Variants in PAG1 observed in about 807,000 individuals in gnomAD.
The protein encoded by PAG1 is phosphoprotein membrane anchor with glycosphingolipid microdomains 1, also known as phosphoprotein associated with glycosphingolipid-enriched microdomains 1.
Under a neutral mutation model 31.7 loss-of-function variants are expected in PAG1, and 23 were observed. That is an observed-to-expected ratio of 0.73 (90% CI 0.52 to 1.03). The LOEUF is 1.03. Ranked by LOEUF, PAG1 falls within the 50% of genes least tolerant of loss-of-function variation. The pLI is 0.00. For synonymous variants in PAG1, 214 were observed against 210.3 expected (o/e 1.02, Z -0.15); for missense variants, 473 against 540.7 (o/e 0.87, Z 1.24).
At chr8:81,038,330 G>A (rs1034913645) in intron 2 of PAG1, among the ~76,000 whole-genome samples, 47 of 152,234 alleles carry the variant, frequency 3.1e-4, no homozygotes, top group African/African-American at 9.6e-4. Context: ...TCCCAGCCAC[G>A]GGGTAACTTC....
chr8:81,104,038 G>C (rs894228342), intron 1 of PAG1, among the ~76,000 whole-genome samples: 48 of 152,184 alleles, frequency 3.2e-4, no homozygotes, highest in Non-Finnish European at 6.0e-4. Context: ...TGCGCTTCTT[G>C]AGATCGAAAT....
chr8:81,046,808 T>G (rs1365083848), intron 2 of PAG1, among the ~76,000 whole-genome samples: 2 of 152,118 alleles, frequency 1.3e-5, no homozygotes, highest in African/African-American at 4.8e-5. Context: ...AAGCCCAGCA[T>G]CCATTAGTTA....
intron 1 of PAG1, among the ~76,000 whole-genome samples, chr8:81,081,119 G>A (rs1056558260): frequency 1.3e-5 from 2 of 151,774 alleles, no homozygotes; most frequent in South Asian, 2.1e-4. Context: ...GACCTCACAC[G>A]GTGTTTAGGA....
chr8:81,018,238 C>G (rs560339017), intron 3 of PAG1, among the ~76,000 whole-genome samples: 1 of 152,320 alleles, frequency 6.6e-6, no homozygotes, highest in South Asian at 2.1e-4. Context: ...ATAACAAATT[C>G]AAGCTAAATT....
At chr8:81,039,366 G>A (rs984405417) in intron 2 of PAG1, 2 of 152,206 alleles carry the variant, frequency 1.3e-5, no homozygotes, top group African/African-American at 4.8e-5. Context: ...AAAATGGGGG[G>A]ATTTGGACAC....
chr8:80,990,559 C>T lies in PAG1; in HGVS notation c.177+920G>A, dbSNP rs190314945. Among the ~76,000 whole-genome samples the T allele has an allele frequency of 3.5e-4, 54 of 152,296 alleles. No homozygotes were observed. In the East Asian group the frequency reaches 8.1e-3, roughly 23 times the overall value. ...CCTTGCTAATGTGACGATGGGCCCCCTCCCCAGCGGCTGGGACTGCTCAGC... is the reference window on the plus strand; with the variant it reads ...CCTTGCTAATGTGACGATGGGCCCCTTCCCCAGCGGCTGGGACTGCTCAGC... On this transcript the variant is annotated intron_variant, in intron 5 of 8. Transcript: ENST00000220597. This position sits in a 1 kb window ranked among gnomAD's most constrained non-coding sequence, Gnocchi z 5.1.
intron 3 of PAG1, among the ~76,000 whole-genome samples, chr8:81,023,415 T>C (rs1808221405): frequency 6.6e-6 from 1 of 152,200 alleles, no homozygotes; most frequent in Admixed American, 6.5e-5. Context: ...TTCATGAATA[T>C]TTGGTAATCT....
chr8:81,004,737 G>A lies in PAG1; in HGVS notation c.-80-11430C>T, dbSNP rs568247304. Among the ~76,000 whole-genome samples the A allele has an allele frequency of 1.2e-4, 19 of 152,316 alleles. No individual in the cohort carries two copies. In the South Asian group the frequency reaches 3.7e-3, roughly 30 times the overall value. ...ATTGCTGCTTGATTCTGTTTAGCCT[G>A]GCAGCAGAGGCTCCATGGCATTGAT... On this transcript the variant is annotated intron_variant, in intron 3 of 8. Transcript: ENST00000220597.
intron 2 of PAG1, among the ~76,000 whole-genome samples, chr8:81,062,366 T>C (rs529340274): frequency 5.9e-5 from 9 of 152,374 alleles, no homozygotes; most frequent in Admixed American, 4.6e-4. Context: ...ATGGTATATA[T>C]CCATTTTATA....
At chr8:81,057,604 A>G (rs559194040) in intron 2 of PAG1, among the ~76,000 whole-genome samples, 12 of 151,700 alleles carry the variant, frequency 7.9e-5, no homozygotes, top group Non-Finnish European at 1.3e-4. Context: ...ATTAGGAGAT[A>G]TACCTAATGC....
intron 4 of PAG1, 50 bp downstream of exon 4, chr8:80,993,053 A>G: frequency 6.6e-7 from 1 of 1,523,736 alleles, no homozygotes; most frequent in Non-Finnish European, 9.0e-7. Flanking sequence ...TCTTCTGGGT[A>G]CAGGGGATGT....
intron 3 of PAG1, among the ~76,000 whole-genome samples, chr8:80,993,719 C>T (rs181936620): frequency 6.6e-6 from 1 of 151,892 alleles, no homozygotes; most frequent in East Asian, 1.9e-4. Flanking sequence ...TCCTGAACCA[C>T]CCCCCTGCCC....
chr8:81,015,506 G>A (rs2130700475), intron 3 of PAG1, among the ~76,000 whole-genome samples: 1 of 152,330 alleles, frequency 6.6e-6, no homozygotes, highest in African/African-American at 2.4e-5. Context: ...TTCTGCAACA[G>A]GGAAAGAATG....
intron 1 of PAG1, among the ~76,000 whole-genome samples, chr8:81,070,640 T>G: frequency 6.8e-6 from 1 of 147,656 alleles, no homozygotes. Flanking sequence ...CTCAAGAAGA[T>G]GAAAGTCTTT....
At position 80,984,987 on chromosome 8, in the gene PAG1, G is replaced by A; in HGVS notation, c.665C>T (p.Ala222Val). ...ELPGPQTEGK[A>V]EFAEYASVDR... ...CACCGAGGCATATTCAGCAAACTCA[G>A]CTTTGCCTTCAGTCTGGGGCCCTGG... Residue 222 changes from alanine (A) to valine (V), a missense_variant, in exon 7 of 9, where the codon GCT (alanine) becomes GTT (valine). Transcript: ENST00000220597. The A allele has an allele frequency of 1.2e-6, 2 of 1,614,150 alleles. No homozygotes were observed. Among genetic ancestry groups the A allele is most frequent in the Non-Finnish European group, 1.7e-6 (2 of 1,180,018 alleles).
At chr8:81,050,735 A>C (rs1166960554) in intron 2 of PAG1, among the ~76,000 whole-genome samples, 1 of 152,236 alleles carries the variant, frequency 6.6e-6, no homozygotes, top group Non-Finnish European at 1.5e-5. Context: ...AGAGAAACCC[A>C]CTGAGGCAAT....
At chr8:81,003,796 C>G (rs1215056595) in intron 3 of PAG1, among the ~76,000 whole-genome samples, 1 of 152,140 alleles carries the variant, frequency 6.6e-6, no homozygotes, top group East Asian at 1.9e-4. Context: ...GAATGTTGCT[C>G]CAGCAAGAAT....
chr8:80,991,555 A>C, intron 4 of PAG1, 25 bp from the exon 5 acceptor site: 1 of 1,567,018 alleles, frequency 6.4e-7, no homozygotes, highest in South Asian at 1.1e-5. Context: ...GAAATGTTGT[A>C]ATGTCAAATG....
intron 6 of PAG1, among the ~76,000 whole-genome samples, chr8:80,986,023 G>A (rs558529732): frequency 2.6e-5 from 4 of 152,152 alleles, no homozygotes; most frequent in Non-Finnish European, 4.4e-5. Flanking sequence ...CTGTTCAGTC[G>A]TCCCTTTGTC....
Sources: gnomAD v4.1 joint callset for allele counts (sites outside exome capture counted in the v4.1 genomes callset) on GRCh38, gnomAD v4.1.1 for gene constraint, Gnocchi (gnomAD v3.1) non-coding constraint, MANE v1.5 for transcripts, NCBI Gene and HGNC (gene_info 2026-07-23, HGNC 2026-07-21) for gene names.